CADPS2: variants seen among roughly 807,000 people sequenced by gnomAD.
The protein encoded by CADPS2 is calcium dependent secretion activator 2.
In CADPS2, 93 loss-of-function variants were observed where a neutral mutation model predicts 172.5. That is an observed-to-expected ratio of 0.54 (90% CI 0.46 to 0.64). The LOEUF (loss-of-function observed/expected upper bound fraction) is 0.64, where lower values mean the gene tolerates loss of function less well. Ranked by LOEUF, CADPS2 falls within the 30% of genes least tolerant of loss-of-function variation. CADPS2 has a pLI of 0.00. For missense variants in CADPS2, 1,420 were observed against 1,565.9 expected (o/e 0.91, Z 1.57); for synonymous variants, 546 against 555.2 (o/e 0.98, Z 0.23).
chr7:122,334,740 T>C (rs113424675), intron 28 of CADPS2, among the ~76,000 whole-genome samples: 12 of 152,334 alleles, frequency 7.9e-5, no homozygotes, highest in African/African-American at 2.6e-4. Context: ...TTAGTATCTA[T>C]TTTGAAACAG....
At chr7:122,840,553 CAA>C (rs5887117) in intron 1 of CADPS2, among the ~76,000 whole-genome samples, 1,591 of 129,958 alleles carry the variant, frequency 0.012, 22 homozygotes, top group African/African-American at 0.033. Context: ...TTTTTAAATG[CAA>C]AAAAAAAAAA....
At chr7:122,787,035 G>A (rs1212665993) in intron 1 of CADPS2, among the ~76,000 whole-genome samples, 1 of 152,110 alleles carries the variant, frequency 6.6e-6, no homozygotes, top group Non-Finnish European at 1.5e-5. Flanking sequence ...GTAACAGTAT[G>A]CAGGACTGTT....
At chr7:122,645,932 T>C (rs1044018608) in intron 3 of CADPS2, among the ~76,000 whole-genome samples, 9 of 151,716 alleles carry the variant, frequency 5.9e-5, no homozygotes, top group African/African-American at 2.2e-4. Flanking sequence ...AATGAGCTAT[T>C]ATTTTAAAAT....
At chr7:122,410,697 T>C (rs1304810293) in intron 19 of CADPS2, among the ~76,000 whole-genome samples, 4 of 150,600 alleles carry the variant, frequency 2.7e-5, no homozygotes, top group Admixed American at 6.7e-5. Context: ...AATGTAATAA[T>C]TGACTACCGC....
chr7:122,631,485 C>T (rs974377433), intron 3 of CADPS2, among the ~76,000 whole-genome samples: 2 of 151,974 alleles, frequency 1.3e-5, no homozygotes, highest in African/African-American at 4.8e-5. Context: ...CGCTATGTTG[C>T]CCAGGCTTGT....
intron 3 of CADPS2, among the ~76,000 whole-genome samples, chr7:122,657,572 T>C (rs1193371164): frequency 3.3e-5 from 5 of 152,198 alleles, no homozygotes; most frequent in African/African-American, 9.7e-5. Flanking sequence ...TTTGAAGCAA[T>C]TGTGAATAGG....
At chr7:122,831,836 T>C (rs1806656914) in intron 1 of CADPS2, among the ~76,000 whole-genome samples, 1 of 152,198 alleles carries the variant, frequency 6.6e-6, no homozygotes, top group Non-Finnish European at 1.5e-5. Context: ...TGATAAATTA[T>C]AATATTCTTG....
At chr7:122,668,898 C>G (rs758223738) in intron 2 of CADPS2, among the ~76,000 whole-genome samples, 1 of 152,038 alleles carries the variant, frequency 6.6e-6, no homozygotes, top group African/African-American at 2.4e-5. Flanking sequence ...TTTTTGTTTC[C>G]GCATATAACA....
chr7:122,438,229 C>T, intron 17 of CADPS2, 112 bp downstream of exon 17: 1 of 1,357,794 alleles, frequency 7.4e-7, no homozygotes, highest in Non-Finnish European at 1.0e-6. Flanking sequence ...AGACATTTCC[C>T]TTTGCCATGG....
chr7:122,475,751 A>G (rs2056560332), intron 12 of CADPS2, among the ~76,000 whole-genome samples: 1 of 152,170 alleles, frequency 6.6e-6, no homozygotes, highest in South Asian at 2.1e-4. Context: ...TGATACACAA[A>G]CTAATGTACA....
intron 1 of CADPS2, among the ~76,000 whole-genome samples, chr7:122,813,002 T>G (rs1800415899): frequency 6.6e-6 from 1 of 152,168 alleles, no homozygotes. Flanking sequence ...ATCAGATTAT[T>G]TGGTGATATA....
At chr7:122,868,928 G>T (rs1326008658) in intron 1 of CADPS2, among the ~76,000 whole-genome samples, 1 of 152,102 alleles carries the variant, frequency 6.6e-6, no homozygotes, top group Non-Finnish European at 1.5e-5. Flanking sequence ...CAACAGACAG[G>T]TTGAATAGCA....
chr7:122,856,710 T>C (rs1815347195), intron 1 of CADPS2, among the ~76,000 whole-genome samples: 1 of 152,146 alleles, frequency 6.6e-6, no homozygotes, highest in Non-Finnish European at 1.5e-5. Context: ...AAACAAGATA[T>C]CTTTTGTGTT....
At chr7:122,884,352 G>A (rs1305169381) in intron 1 of CADPS2, among the ~76,000 whole-genome samples, 2 of 152,168 alleles carry the variant, frequency 1.3e-5, no homozygotes, top group East Asian at 3.9e-4. Flanking sequence ...AATTAGAGCA[G>A]CTGATTAGGA....
chr7:122,485,041 C>T (rs543712676), intron 11 of CADPS2, among the ~76,000 whole-genome samples: 1 of 152,240 alleles, frequency 6.6e-6, no homozygotes, highest in East Asian at 1.9e-4. Flanking sequence ...CCACAAACTA[C>T]ACCCATATAA....
intron 2 of CADPS2, among the ~76,000 whole-genome samples, chr7:122,687,746 T>C (rs768917976): frequency 1.3e-5 from 2 of 152,128 alleles, no homozygotes; most frequent in African/African-American, 2.4e-5. Flanking sequence ...AAATATCTTA[T>C]AACATAGTAC....
intron 1 of CADPS2, among the ~76,000 whole-genome samples, chr7:122,863,960 G>A (rs1437219592): frequency 6.6e-6 from 1 of 151,902 alleles, no homozygotes; most frequent in Admixed American, 6.5e-5. Context: ...AACCCAGAAG[G>A]CAGAGGTTGC....
At chr7:122,562,105 A>G (rs2065852844) in intron 7 of CADPS2, among the ~76,000 whole-genome samples, 1 of 152,178 alleles carries the variant, frequency 6.6e-6, no homozygotes, top group Non-Finnish European at 1.5e-5. Flanking sequence ...AAAATCTATG[A>G]AACTTTCATC....
chr7:122,407,226 G>GTTGTCC, intron 20 of CADPS2, among the ~76,000 whole-genome samples: 1 of 152,144 alleles, frequency 6.6e-6, no homozygotes, highest in Non-Finnish European at 1.5e-5. Context: ...AAGTACTTTA[G>GTTGTCC]AAATGCCAGC....
Sources: allele counts gnomAD v4.1 joint callset (sites outside exome capture counted in the v4.1 genomes callset), GRCh38; gene constraint gnomAD v4.1.1; transcripts MANE v1.5; gene names NCBI Gene and HGNC (gene_info 2026-07-23, HGNC 2026-07-21).